Variants in ABCA5 observed in about 807,000 individuals in gnomAD.
The protein encoded by ABCA5 is cholesterol transporter ABCA5.
In ABCA5, 163 loss-of-function variants were observed where a neutral mutation model predicts 206.0. The ratio of observed to expected loss-of-function variants is 0.79; its 90% CI spans 0.70 to 0.90. The LOEUF (loss-of-function observed/expected upper bound fraction) is 0.90. Among genes scored for constraint, ABCA5 ranks in the 40% least tolerant of loss-of-function variants. The pLI, the probability that ABCA5 is intolerant of heterozygous loss-of-function variation, is 0.00. For synonymous variants in ABCA5, 609 were observed against 613.8 expected (o/e 0.99, Z 0.11); for missense variants, 1,859 against 1,912.9 (o/e 0.97, Z 0.53).
intron 1 of ABCA5, among the ~76,000 whole-genome samples, chr17:69,315,711 A>C (rs1264880899): frequency 1.4e-5 from 2 of 146,816 alleles, no homozygotes; most frequent in Non-Finnish European, 3.0e-5. Flanking sequence ...TGAACCCGGG[A>C]GGCGGAGGTT....
Position 69,253,806 on chromosome 17 carries a change from T to C in ABCA5, c.4308A>G (p.Gly1436=). The C allele has an allele frequency of 3.1e-6, 5 of 1,612,782 alleles. No homozygotes were observed. The highest frequency in any genetic ancestry group is 4.2e-6 in the Non-Finnish European group (5 of 1,179,312). Residue 1436 remains glycine (G), a synonymous_variant, in exon 33 of 39, where the codon GGA becomes GGG. Coordinates refer to ENST00000392676, the MANE Select transcript of ABCA5 (RefSeq NM_172232.4). ...LQKTVKKLPA[G]IKRKLCFALS... ...TTAATGAAAGTACCTTTCGTTTGAT[T>C]CCTGCAGGTAGTTTCTTTACAGTCT...
In ABCA5 at chr17:69,290,006, T is replaced by C; in HGVS notation, c.1638A>G (p.Ser546=). The stretch of plus-strand genomic sequence containing the variant: ...TTGCTTCAAACATTTCATCTATTTC[T>C]GAGACTCTGTGTCCATATATAGATG... The part of the protein sequence containing the change: ...GFASIYGHRV[S]EIDEMFEARK... The change falls in exon 13 of 39, where the codon TCA becomes TCG. Residue 546 remains serine, a synonymous_variant. Coordinates refer to ENST00000392676, the MANE Select transcript of ABCA5 (RefSeq NM_172232.4). The C allele has an allele frequency of 6.2e-7, 1 of 1,611,238 alleles. No homozygotes were observed. Among genetic ancestry groups the C allele is most frequent in the Non-Finnish European group, 8.5e-7 (1 of 1,178,868 alleles).
intron 9 of ABCA5, among the ~76,000 whole-genome samples, chr17:69,299,471 TACACACACACAC>T (rs71144671): frequency 1.4e-5 from 2 of 142,398 alleles, no homozygotes; most frequent in African/African-American, 5.2e-5. Flanking sequence ...CACACACACA[TACACACACACAC>T]ACACACACAC....
intron 11 of ABCA5, among the ~76,000 whole-genome samples, chr17:69,292,880 A>G (rs931574285): frequency 1.3e-5 from 2 of 152,242 alleles, no homozygotes; most frequent in African/African-American, 4.8e-5. Flanking sequence ...GTCTTGAAAC[A>G]AAAATGTGAA....
chr17:69,266,339 T>C (rs2075207835), intron 23 of ABCA5, among the ~76,000 whole-genome samples: 1 of 152,146 alleles, frequency 6.6e-6, no homozygotes, highest in Non-Finnish European at 1.5e-5. Context: ...GCCAATACCC[T>C]GTTACATTGT....
At chr17:69,277,973 G>T in intron 18 of ABCA5, 131 bp from the exon 19 acceptor site, 1 of 630,664 alleles carries the variant, frequency 1.6e-6, no homozygotes, top group Non-Finnish European at 2.5e-6. Context: ...TTATATTCTG[G>T]CAGTATCTAT....
intron 15 of ABCA5, 96 bp downstream of exon 15, chr17:69,287,517 A>T (rs1478287757): frequency 1.4e-6 from 2 of 1,423,830 alleles, no homozygotes; most frequent in African/African-American, 2.9e-5. Context: ...CACTAGGTAA[A>T]AGCTTCTCTA....
chr17:69,314,284 A>T, intron 2 of ABCA5, 30 bp downstream of exon 2: 4 of 1,467,568 alleles, frequency 2.7e-6, no homozygotes, highest in Non-Finnish European at 3.8e-6. Context: ...TAAACTGCAA[A>T]AAAGCATAAG....
At chr17:69,259,865 G>T (rs2075127008) in intron 27 of ABCA5, 68 bp from the exon 28 acceptor site, 1 of 1,003,416 alleles carries the variant, frequency 1.0e-6, no homozygotes, top group Non-Finnish European at 1.5e-6. Flanking sequence ...TTTTTCCTTT[G>T]CCAACAGAAC....
chr17:69,253,917 A>G (rs1251097870), intron 32 of ABCA5, 48 bp from the exon 33 acceptor site: 1 of 1,427,684 alleles, frequency 7.0e-7, no homozygotes, highest in Non-Finnish European at 9.8e-7. Flanking sequence ...ATATATAAAC[A>G]CAAATACCAA....
At chr17:69,309,902 A>G (rs1463056062) in intron 3 of ABCA5, among the ~76,000 whole-genome samples, 1 of 152,154 alleles carries the variant, frequency 6.6e-6, no homozygotes, top group African/African-American at 2.4e-5. Flanking sequence ...ATAAAATGGT[A>G]CAATGTTGCA....
intron 2 of ABCA5, among the ~76,000 whole-genome samples, chr17:69,313,646 A>C (rs1343958903): frequency 2.6e-5 from 4 of 152,270 alleles, no homozygotes; most frequent in Admixed American, 2.6e-4. Context: ...TTTACCGAAC[A>C]TCCCTATATG....
intron 18 of ABCA5, among the ~76,000 whole-genome samples, chr17:69,282,188 A>G (rs2075401179): frequency 6.6e-6 from 1 of 152,176 alleles, no homozygotes; most frequent in Non-Finnish European, 1.5e-5. Flanking sequence ...CAATTGACAA[A>G]TAACTGACCA....
intron 19 of ABCA5, among the ~76,000 whole-genome samples, chr17:69,274,398 T>A (rs933554382): frequency 3.3e-5 from 5 of 152,052 alleles, no homozygotes; most frequent in African/African-American, 9.7e-5. Context: ...TTTGTTATTT[T>A]TTATAGAGAT....
Position 69,326,208 on chromosome 17 carries a change from C to A in ABCA5, c.-16+844G>T, listed in dbSNP as rs1381113698. Among the ~76,000 whole-genome samples, 1 of 152,182 alleles carries A rather than the reference C, an allele frequency of 6.6e-6. No homozygotes were observed. The highest frequency in any genetic ancestry group is 1.5e-5 in the Non-Finnish European group (1 of 68,024). The stretch of plus-strand genomic sequence containing the variant: ...TCCACACCTGCCCAACTGGAATAAC[C>A]CCCTCCAATCCTACAGGGTTGCTGT... On this transcript the variant is annotated intron_variant, in intron 1 of 38. Coordinates refer to ENST00000392676, the MANE Select transcript of ABCA5 (RefSeq NM_172232.4). This position sits in a 1 kb window ranked among gnomAD's most constrained non-coding sequence, Gnocchi z 4.8.
At chr17:69,316,446 C>T (rs1436850658) in intron 1 of ABCA5, among the ~76,000 whole-genome samples, 1 of 151,356 alleles carries the variant, frequency 6.6e-6, no homozygotes, top group East Asian at 1.9e-4. Context: ...CAGATTGTTC[C>T]ACTGCACCCC....
intron 18 of ABCA5, among the ~76,000 whole-genome samples, chr17:69,282,183 GAC>G (rs747443835): frequency 1.3e-5 from 2 of 152,220 alleles, no homozygotes; most frequent in Non-Finnish European, 2.9e-5. Context: ...CACAGCAATT[GAC>G]AAATAACTGA....
chr17:69,313,006 G>A, intron 3 of ABCA5, 86 bp downstream of exon 3: 1 of 805,778 alleles, frequency 1.2e-6, no homozygotes, highest in Non-Finnish European at 1.8e-6. Flanking sequence ...TAAGTGTTAA[G>A]ACTGCTATTC....
rs757285706 is a variant in ABCA5, at chr17:69,255,530, T to C, written c.4068+13A>G. 6.7e-7 allele frequency: 1 copy of C among 1,502,794 alleles called. No individual in the cohort carries two copies. The highest frequency in any genetic ancestry group is 8.9e-7 in the Non-Finnish European group (1 of 1,119,916). 93.1% of individuals were successfully genotyped at this position (1,502,794 alleles called of 1,614,324 possible). On this transcript the variant is annotated intron_variant, in intron 31 of 38. Coordinates refer to ENST00000392676, the MANE Select transcript of ABCA5 (RefSeq NM_172232.4). ...ATCACATTCAACATATCCTATACTC[T>C]TATATATCATACCTGGCCTGAAGTT...
Sources: allele counts gnomAD v4.1 joint callset (sites outside exome capture counted in the v4.1 genomes callset), GRCh38; gene constraint gnomAD v4.1.1; non-coding constraint Gnocchi (gnomAD v3.1); transcripts MANE v1.5; gene names NCBI Gene and HGNC (gene_info 2026-07-23, HGNC 2026-07-21).